Variants in RNF138 observed in about 807,000 individuals in gnomAD.
RNF138 encodes the protein E3 ubiquitin-protein ligase RNF138.
RNF138 carries 12 observed loss-of-function variants against 31.0 expected under a neutral mutation model. That is an observed-to-expected ratio of 0.39 (90% CI 0.25 to 0.63). The LOEUF (loss-of-function observed/expected upper bound fraction) is 0.63, where lower values mean the gene tolerates loss of function less well. RNF138 is among the 20% of genes least tolerant of loss of function. The pLI, the probability that RNF138 is intolerant of heterozygous loss-of-function variation, is 0.52. For synonymous variants in RNF138, 105 were observed against 99.5 expected (o/e 1.06, Z -0.33); for missense variants, 192 against 300.1 (o/e 0.64, Z 2.66).
chr18:32,096,658 A>C (rs9954966), intron 2 of RNF138, among the ~76,000 whole-genome samples: 2,327 of 152,342 alleles, frequency 0.015, 62 homozygotes, highest in African/African-American at 0.053. Context: ...GAGGATTCAG[A>C]TCATCTGCAA....
At chr18:32,103,437 C>T (rs1598849238) in intron 2 of RNF138, among the ~76,000 whole-genome samples, 1 of 152,024 alleles carries the variant, frequency 6.6e-6, no homozygotes, top group Non-Finnish European at 1.5e-5. Flanking sequence ...AAATAATCCT[C>T]CTGCCTCAGC....
intron 2 of RNF138, among the ~76,000 whole-genome samples, chr18:32,095,264 C>G (rs75950558): frequency 6.6e-6 from 1 of 152,022 alleles, no homozygotes; most frequent in Non-Finnish European, 1.5e-5. Flanking sequence ...TGACCTCCCC[C>G]GTTGGAGCAA....
chr18:32,117,018 A>T (rs947659827), intron 4 of RNF138, among the ~76,000 whole-genome samples: 7 of 152,022 alleles, frequency 4.6e-5, no homozygotes, highest in African/African-American at 1.7e-4. Context: ...TCTCCTGCCT[A>T]AGCCTCCTGA....
chr18:32,111,684 T>A (rs2040133904), intron 2 of RNF138, 70 bp from the exon 3 acceptor site: 2 of 1,206,036 alleles, frequency 1.7e-6, no homozygotes, highest in Non-Finnish European at 1.2e-6. Context: ...TAATCACTTG[T>A]TTGTATTTAA....
intron 1 of RNF138, 28 bp from the exon 2 acceptor site, chr18:32,092,672 T>TCCCCCTC (rs765520394): frequency 7.1e-5 from 50 of 707,556 alleles, no homozygotes; most frequent in South Asian, 6.2e-4. Context: ...CCTGATGCGA[T>TCCCCCTC]CCCCCTCCCC....
At position 32,121,548 on chromosome 18, in the gene RNF138, C is replaced by G. The variant is rs975847104; in HGVS notation, c.393-1970C>G. 4.6e-5 allele frequency among the ~76,000 whole-genome samples: 7 copies of G among 152,240 alleles called. No homozygotes were observed. The East Asian group carries it at 1.2e-3, about 25-fold the overall frequency. On this transcript the variant is annotated intron_variant, in intron 4 of 7. Coordinates refer to ENST00000261593, the MANE Select transcript of RNF138 (RefSeq NM_016271.5). The stretch of plus-strand genomic sequence containing the variant: ...TTTCTAAATATAAAAAGGACTGTTG[C>G]TGAAATTTTCATCCTCCCCAATGAT...
chr18:32,095,001 G>A (rs1234882267), intron 2 of RNF138, among the ~76,000 whole-genome samples: 1 of 152,094 alleles, frequency 6.6e-6, no homozygotes, highest in Non-Finnish European at 1.5e-5. Flanking sequence ...TTTTAATTCA[G>A]GACCTTTCTC....
intron 2 of RNF138, among the ~76,000 whole-genome samples, chr18:32,098,232 C>T (rs2039850424): frequency 6.6e-6 from 1 of 152,060 alleles, no homozygotes; most frequent in Admixed American, 6.5e-5. Context: ...TTTTGAACTC[C>T]TGACCTCAAG....
chr18:32,102,342 C>T (rs919477640), intron 2 of RNF138, among the ~76,000 whole-genome samples: 7 of 151,226 alleles, frequency 4.6e-5, no homozygotes, highest in African/African-American at 1.7e-4. Context: ...GCTGGGACTA[C>T]AGGCGCCCGC....
chr18:32,116,666 C>T (rs1045559863), intron 4 of RNF138, among the ~76,000 whole-genome samples: 2 of 152,034 alleles, frequency 1.3e-5, no homozygotes, highest in Non-Finnish European at 1.5e-5. Flanking sequence ...GTCCTTCTGC[C>T]TCAGCCTCCC....
intron 6 of RNF138, among the ~76,000 whole-genome samples, chr18:32,126,260 T>G (rs142682243): frequency 4.5e-4 from 69 of 152,358 alleles, no homozygotes; most frequent in African/African-American, 1.6e-3. Flanking sequence ...AAACTAAGGA[T>G]ACAATTTAAA....
chr18:32,116,820 G>A (rs559165880), intron 4 of RNF138, among the ~76,000 whole-genome samples: 298 of 152,214 alleles, frequency 2.0e-3, no homozygotes, highest in South Asian at 4.1e-3. Context: ...CCTGACCTCC[G>A]GTGATCCACC....
intron 4 of RNF138, among the ~76,000 whole-genome samples, chr18:32,117,841 A>G (rs1250264170): frequency 2.6e-5 from 4 of 152,234 alleles, no homozygotes; most frequent in Non-Finnish European, 5.9e-5. Context: ...TTCCTATTTT[A>G]TAACAACATT....
At chr18:32,117,124 ACTC>A (rs951944424) in intron 4 of RNF138, among the ~76,000 whole-genome samples, 2 of 151,438 alleles carry the variant, frequency 1.3e-5, no homozygotes, top group Non-Finnish European at 2.9e-5. Context: ...ATGGTCTCGA[ACTC>A]CTGACCTCAG....
intron 4 of RNF138, among the ~76,000 whole-genome samples, chr18:32,118,762 A>T (rs1358689947): frequency 6.6e-6 from 1 of 152,028 alleles, no homozygotes; most frequent in African/African-American, 2.4e-5. Flanking sequence ...CCGGGAGGCC[A>T]AGGTTGCAGT....
intron 4 of RNF138, among the ~76,000 whole-genome samples, chr18:32,119,233 T>G (rs546030061): frequency 2.3e-4 from 35 of 152,238 alleles, no homozygotes; most frequent in Admixed American, 2.2e-3. Flanking sequence ...GGTGATCCAT[T>G]GTTCATTCCT....
intron 3 of RNF138, among the ~76,000 whole-genome samples, chr18:32,113,381 G>C (rs899922631): frequency 1.3e-5 from 2 of 151,972 alleles, no homozygotes; most frequent in African/African-American, 4.8e-5. Context: ...TTTTTTAAGT[G>C]CTTTCTAACT....
At position 32,107,287 on chromosome 18, in the gene RNF138, A is replaced by G. The variant is rs192199697; in HGVS notation, c.111-4467A>G. 4.7e-5 allele frequency among the ~76,000 whole-genome samples: 7 copies of G among 148,704 alleles called. No individual in the cohort carries two copies. The East Asian group carries it at 1.2e-3, about 25-fold the overall frequency. The stretch of plus-strand genomic sequence containing the variant: ...AGGTGCACGCTGCCACGCCCAGCTA[A>G]TTTTTTTTTGTATTTTAGTAGAGAC... On this transcript the variant is annotated intron_variant, in intron 2 of 7. Transcript: ENST00000261593.
intron 2 of RNF138, among the ~76,000 whole-genome samples, chr18:32,097,782 G>A (rs1174450912): frequency 6.6e-6 from 1 of 151,504 alleles, no homozygotes; most frequent in Non-Finnish European, 1.5e-5. Flanking sequence ...CTTGGCCTCC[G>A]AAAGTGCTGG....
Sources: gnomAD v4.1 joint callset for allele counts (sites outside exome capture counted in the v4.1 genomes callset) on GRCh38, gnomAD v4.1.1 for gene constraint, MANE v1.5 for transcripts, NCBI Gene and HGNC (gene_info 2026-07-23, HGNC 2026-07-21) for gene names.